The following CLTCL1 variants were observed in gnomAD, a reference collection of about 807,000 sequenced individuals.
CLTCL1 encodes the protein clathrin heavy chain 2.
Under a neutral mutation model 190.0 loss-of-function variants are expected in CLTCL1, and 159 were observed. The observed-to-expected ratio is 0.84, with a 90% CI of 0.74 to 0.95. CLTCL1 has a LOEUF of 0.95. Ranked by LOEUF, CLTCL1 falls within the 40% of genes least tolerant of loss-of-function variation. The pLI is 0.00. For synonymous variants in CLTCL1, 752 were observed against 769.6 expected, an observed-to-expected ratio of 0.98 and a Z score of 0.38; for missense variants, 1,878 against 2,033.4, an observed-to-expected ratio of 0.92 and a Z score of 1.47.
At chr22:19,207,961 C>T (rs1282397322) in intron 22 of CLTCL1, 193 bp downstream of exon 22, 4 of 706,708 alleles carry the variant, frequency 5.7e-6, no homozygotes, top group Non-Finnish European at 7.6e-6. Flanking sequence ...AATATGATAA[C>T]AGTAGAAATA....
rs372445075 is a variant in CLTCL1 at position 19,180,200 on chromosome 22, T to C, written c.*19A>G. 2.5e-6 allele frequency: 4 copies of C among 1,613,312 alleles called. No homozygotes were observed. Among genetic ancestry groups the C allele is most frequent in the Non-Finnish European group, 3.4e-6 (4 of 1,179,584 alleles). ...CTAGTCTCCAAATGGGACACTTACT[T>C]AGTGCAATCAGCTGGGTCTCATTCA... On this transcript the variant is annotated splice_region_variant and 3_prime_UTR_variant, in exon 32 of 33. Coordinates refer to ENST00000427926, the MANE Select transcript of CLTCL1 (RefSeq NM_007098.4).
intron 13 of CLTCL1, 34 bp from the exon 14 acceptor site, chr22:19,224,088 T>C: frequency 1.2e-6 from 2 of 1,611,380 alleles, no homozygotes; most frequent in Non-Finnish European, 1.7e-6. Flanking sequence ...TTTGTCCTTG[T>C]AACACCTGCC....
intron 1 of CLTCL1, among the ~76,000 whole-genome samples, chr22:19,289,750 GA>G (rs1363481417): frequency 2.0e-5 from 3 of 152,144 alleles, no homozygotes. Context: ...ACATAGACAA[GA>G]AAGGACACCT....
Position 19,220,020 on chromosome 22 carries a change from C to CA in CLTCL1, c.2797-14dup. ...TCTCATTGCACACCTGAAATGAGCA[C>CA]ACTCATGTGTGTGACACAGCAGCCA... On this transcript the variant is annotated splice_polypyrimidine_tract_variant and intron_variant, in intron 17 of 32. Coordinates refer to ENST00000427926, the MANE Select transcript of CLTCL1 (RefSeq NM_007098.4). The CA allele has an allele frequency of 6.2e-7, 1 of 1,613,874 alleles. No individual in the cohort carries two copies. Among genetic ancestry groups the CA allele is most frequent in the East Asian group, 2.2e-5 (1 of 44,884 alleles).
At chr22:19,258,900 T>C (rs188478691) in intron 2 of CLTCL1, 79 of 429,158 alleles carry the variant, frequency 1.8e-4, no homozygotes, top group African/African-American at 1.4e-3. Context: ...ATAAAATGTT[T>C]AGAGAAAACA....
intron 27 of CLTCL1, among the ~76,000 whole-genome samples, chr22:19,189,126 A>C (rs1555930119): frequency 1.3e-5 from 2 of 150,812 alleles, no homozygotes; most frequent in South Asian, 2.1e-4. Flanking sequence ...GCTGGTCTCG[A>C]CCTCCTGACC....
chr22:19,273,500 A>C (rs901904888), intron 2 of CLTCL1, among the ~76,000 whole-genome samples: 1 of 152,134 alleles, frequency 6.6e-6, no homozygotes, highest in Non-Finnish European at 1.5e-5. Flanking sequence ...CTCCTGATGG[A>C]CATAAACCAC....
At chr22:19,271,310 T>C (rs931665729) in intron 2 of CLTCL1, among the ~76,000 whole-genome samples, 4 of 152,172 alleles carry the variant, frequency 2.6e-5, no homozygotes, top group African/African-American at 9.6e-5. Flanking sequence ...GGGAGGTGAC[T>C]GGATCATGGA....
intron 11 of CLTCL1, among the ~76,000 whole-genome samples, chr22:19,227,930 C>T (rs2085803328): frequency 6.6e-6 from 1 of 152,176 alleles, no homozygotes; most frequent in South Asian, 2.1e-4. Flanking sequence ...TGGGCTAAGA[C>T]TGGATAGGTC....
At chr22:19,245,331 C>T (rs901442033) in intron 3 of CLTCL1, among the ~76,000 whole-genome samples, 8 of 151,668 alleles carry the variant, frequency 5.3e-5, no homozygotes, top group African/African-American at 1.7e-4. Context: ...GTAACTGGGA[C>T]CACAGGCGCG....
chr22:19,266,577 T>C (rs374988019), intron 2 of CLTCL1, among the ~76,000 whole-genome samples: 2 of 152,136 alleles, frequency 1.3e-5, no homozygotes, highest in African/African-American at 4.8e-5. Flanking sequence ...AAGGCCAACA[T>C]TTGCCTAATT....
chr22:19,291,716 T>A lies in CLTCL1; in HGVS notation c.-75A>T. 1.6e-6 allele frequency: 2 copies of A among 1,282,590 alleles called. No individual in the cohort carries two copies. Among genetic ancestry groups the A allele is most frequent in the Non-Finnish European group, 2.0e-6 (2 of 1,006,336 alleles). The allele number at this position is 1,282,590 out of a possible 1,614,324, so 79.5% of individuals were successfully genotyped here. On this transcript the variant is annotated 5_prime_UTR_variant, in exon 1 of 33. Transcript: ENST00000427926. ...CCGACCCCTCGCGCGGGCTGACCGG[T>A]GGCGACGGCGCAGGCGCAGTGCCCC... is the stretch of plus-strand genomic sequence containing the variant.
intron 5 of CLTCL1, among the ~76,000 whole-genome samples, chr22:19,237,649 T>G (rs2086121224): frequency 6.6e-6 from 1 of 152,228 alleles, no homozygotes; most frequent in Non-Finnish European, 1.5e-5. Context: ...CAACAGGGGA[T>G]TGTTTAAATG....
chr22:19,252,024 C>A (rs1166281985), intron 3 of CLTCL1, among the ~76,000 whole-genome samples: 1 of 152,192 alleles, frequency 6.6e-6, no homozygotes, highest in Non-Finnish European at 1.5e-5. Flanking sequence ...TGCTTCATAT[C>A]TTCTGGGGGT....
chr22:19,267,500 T>G (rs2087156371), intron 2 of CLTCL1, among the ~76,000 whole-genome samples: 2 of 152,140 alleles, frequency 1.3e-5, no homozygotes, highest in Admixed American at 6.6e-5. Context: ...TTCAAAGAGT[T>G]TCAAAAACTA....
At chr22:19,227,277 C>CTTT (rs11375007) in intron 11 of CLTCL1, among the ~76,000 whole-genome samples, 148 of 121,074 alleles carry the variant, frequency 1.2e-3, no homozygotes, top group African/African-American at 3.6e-3. Context: ...GGCATAAAAT[C>CTTT]TTTTTTTTTT....
intron 2 of CLTCL1, among the ~76,000 whole-genome samples, chr22:19,260,878 T>C (rs544050008): frequency 6.6e-6 from 1 of 151,688 alleles, no homozygotes; most frequent in Non-Finnish European, 1.5e-5. Context: ...TACATCTGTT[T>C]ACAGCATGAT....
At chr22:19,184,060 T>C in intron 29 of CLTCL1, 1 of 258,550 alleles carries the variant, frequency 3.9e-6, no homozygotes, top group Non-Finnish European at 7.7e-6. Flanking sequence ...CAAAAACCCC[T>C]AACTGCTATT....
chr22:19,180,300 G>A lies in CLTCL1; in HGVS notation c.4904-62C>T, dbSNP rs1036355632. On this transcript the variant is annotated intron_variant, in intron 31 of 32. Coordinates refer to ENST00000427926, the MANE Select transcript of CLTCL1 (RefSeq NM_007098.4). ...ACACTCAGCCGGACGCTGGAGACCC[G>A]CCGGCGTGCTGCACACTCACACCAC... 1.4e-5 allele frequency: 22 copies of A among 1,555,102 alleles called. No homozygotes were observed. In the African/African-American group the frequency reaches 2.3e-4, roughly 16 times the overall value.
Sources: allele counts gnomAD v4.1 joint callset (sites outside exome capture counted in the v4.1 genomes callset), GRCh38; gene constraint gnomAD v4.1.1; transcripts MANE v1.5; gene names NCBI Gene and HGNC (gene_info 2026-07-23, HGNC 2026-07-21).